BLMH: variants seen among roughly 807,000 people sequenced by gnomAD.
BLMH encodes the protein BLM hydrolase.
Under a neutral mutation model 61.6 loss-of-function variants are expected in BLMH, and 32 were observed. The ratio of observed to expected loss-of-function variants is 0.52; its 90% CI spans 0.39 to 0.70. The LOEUF (loss-of-function observed/expected upper bound fraction) is 0.70, where lower values mean the gene tolerates loss of function less well. BLMH is among the 30% of genes least tolerant of loss of function. The pLI is 0.00. For missense variants in BLMH, 460 were observed against 555.5 expected, an observed-to-expected ratio of 0.83 and a Z score of 1.73; for synonymous variants, 183 against 193.8, an observed-to-expected ratio of 0.94 and a Z score of 0.46.
At position 30,248,823 on chromosome 17, in the gene BLMH, CTT is replaced by C. The variant is rs1024242693; in HGVS notation, c.*192_*193del. ...ATAGTATGACCTGATCTTCCCCCCT[CTT>C]TTTTTTCCTTTAACAGTATTCTGTT... is the stretch of plus-strand genomic sequence containing the variant. On this transcript the variant is annotated 3_prime_UTR_variant, in exon 12 of 12. Coordinates refer to ENST00000261714, the MANE Select transcript of BLMH (RefSeq NM_000386.4). 4.9e-6 allele frequency: 3 copies of C among 614,062 alleles called. No homozygotes were observed. The highest frequency in any genetic ancestry group is 8.3e-6 in the Non-Finnish European group (3 of 361,242). The allele number at this position is 614,062 out of a possible 1,614,324, so 38.0% of individuals were successfully genotyped here. A position where few individuals can be genotyped will look rare whatever the true frequency, so the allele number is the denominator to read the frequency against.
At chr17:30,273,719 C>A in intron 7 of BLMH, 1 of 321,542 alleles carries the variant, frequency 3.1e-6, no homozygotes, top group Non-Finnish European at 5.7e-6. Flanking sequence ...TCTGAATCCA[C>A]GATAAGAAAT....
Position 30,274,183 on chromosome 17 carries a change from C to T in BLMH, c.660G>A (p.Val220=), listed in dbSNP as rs1417595458. ...CTGGTGGATTACCCAAACAGATGCA[C>T]ACCACTCGGAATATCTGGAAGAGAG... ...DVMMEEIFRV[V]CICLGNPPET... is the part of the protein sequence containing the mutation. Residue 220 remains valine, a synonymous_variant, in exon 7 of 12, where the codon GTG becomes GTA. Coordinates refer to ENST00000261714, the MANE Select transcript of BLMH (RefSeq NM_000386.4). 6.8e-6 allele frequency: 11 copies of T among 1,613,870 alleles called. No homozygotes were observed. The highest frequency in any genetic ancestry group is 1.3e-5 in the African/African-American group (1 of 74,890).
intron 1 of BLMH, 107 bp from the exon 2 acceptor site, chr17:30,291,615 C>T (rs1908893242): frequency 2.7e-6 from 4 of 1,462,596 alleles, no homozygotes; most frequent in Non-Finnish European, 3.7e-6. Flanking sequence ...GGGGTGCCCG[C>T]TGCAGCGGGG....
Position 30,291,793 on chromosome 17 carries a change from C to A in BLMH, c.13+14G>T. ...TCCTCCAGAGGACCGCGGCGGGGGACGGCGGCACCTCACCCGAGCTGCTCA... is the reference window on the plus strand; with the variant it reads ...TCCTCCAGAGGACCGCGGCGGGGGAAGGCGGCACCTCACCCGAGCTGCTCA... On this transcript the variant is annotated intron_variant, in intron 1 of 11. Transcript: ENST00000261714. 1 of 1,397,312 alleles carries A rather than the reference C, an allele frequency of 7.2e-7. No individual in the cohort carries two copies. The allele number at this position is 1,397,312 out of a possible 1,614,324, so 86.6% of individuals were successfully genotyped here. A position where few individuals can be genotyped will look rare whatever the true frequency, so the allele number is the denominator to read the frequency against.
Position 30,274,205 on chromosome 17 carries a change from AGAG to A in BLMH, c.646-11_646-9del. 9.9e-6 allele frequency: 16 copies of A among 1,612,638 alleles called. No individual in the cohort carries two copies. Among genetic ancestry groups the A allele is most frequent in the Non-Finnish European group, 1.4e-5 (16 of 1,179,560 alleles). On this transcript the variant is annotated splice_polypyrimidine_tract_variant and intron_variant, in intron 6 of 11. Coordinates refer to ENST00000261714, the MANE Select transcript of BLMH (RefSeq NM_000386.4). The stretch of plus-strand genomic sequence containing the variant: ...GCACACCACTCGGAATATCTGGAAG[AGAG>A]GAGGAGGAAAGGCGAGCAATGGTTA...
At chr17:30,266,490 A>G (rs1371852194) in intron 11 of BLMH, among the ~76,000 whole-genome samples, 2 of 145,788 alleles carry the variant, frequency 1.4e-5, no homozygotes, top group African/African-American at 5.2e-5. Context: ...ACGTCACTGC[A>G]CTCCAGCCTG....
chr17:30,278,060 A>G (rs1293670992), intron 6 of BLMH, among the ~76,000 whole-genome samples: 2 of 152,226 alleles, frequency 1.3e-5, no homozygotes, highest in African/African-American at 4.8e-5. Context: ...TTTGGAAGGA[A>G]TATCTGACTC....
Position 30,271,338 on chromosome 17 carries a change from G to A in BLMH, c.1079C>T (p.Ala360Val), listed in dbSNP as rs755483602. 6.0e-5 allele frequency: 97 copies of A among 1,614,050 alleles called. No individual in the cohort carries two copies. Among genetic ancestry groups the A allele is most frequent in the Admixed American group, 4.3e-4 (26 of 60,020 alleles). ...FGVSLKNMNK[A>V]ERLTFGESLM... ...TGACTCACCAAAAGTCAGCCTCTCC[G>A]CTTTATTCATGTTCTTCAAGGAGAC... Residue 360 changes from alanine to valine, a missense_variant, in exon 10 of 12, where the codon GCG (alanine) becomes GTG (valine). Around this residue, in one of 5 missense-constraint regions of BLMH, gnomAD observed 310 missense variants for 371.1 expected, o/e 0.84. Transcript: ENST00000261714.
intron 2 of BLMH, chr17:30,290,862 G>T (rs145507289): frequency 6.2e-6 from 1 of 160,260 alleles, no homozygotes; most frequent in Non-Finnish European, 1.4e-5. Context: ...TAACCAAGAA[G>T]CATATTTAAA....
chr17:30,259,070 G>T (rs1213902235), intron 11 of BLMH, among the ~76,000 whole-genome samples: 4 of 152,166 alleles, frequency 2.6e-5, no homozygotes, highest in Non-Finnish European at 4.4e-5. Context: ...CACAGTTCCA[G>T]TCACTGACCA....
At chr17:30,252,408 CTG>C (rs1372865761) in intron 11 of BLMH, among the ~76,000 whole-genome samples, 2 of 151,822 alleles carry the variant, frequency 1.3e-5, no homozygotes, top group East Asian at 3.9e-4. Context: ...CTCAAAAACA[CTG>C]TGGAGGCCAG....
intron 7 of BLMH, 92 bp downstream of exon 7, chr17:30,273,950 C>T: frequency 6.8e-7 from 1 of 1,472,704 alleles, no homozygotes; most frequent in East Asian, 2.3e-5. Flanking sequence ...GTTTGATACT[C>T]ATACATGCTA....
intron 7 of BLMH, 26 bp downstream of exon 7, chr17:30,274,016 A>G (rs1223157076): frequency 1.9e-6 from 3 of 1,612,702 alleles, no homozygotes; most frequent in South Asian, 2.2e-5. Context: ...GTAAACAGCC[A>G]GTGACTACCA....
At chr17:30,282,889 T>C (rs1908629888) in intron 6 of BLMH, among the ~76,000 whole-genome samples, 1 of 152,246 alleles carries the variant, frequency 6.6e-6, no homozygotes, top group Admixed American at 6.5e-5. Context: ...GGGCCAGGTA[T>C]GGCGGCTCAC....
At chr17:30,258,978 C>T (rs1844065458) in intron 11 of BLMH, among the ~76,000 whole-genome samples, 1 of 150,902 alleles carries the variant, frequency 6.6e-6, no homozygotes, top group South Asian at 2.1e-4. Flanking sequence ...GGCTGGCCTC[C>T]CTCTCCCTTT....
chr17:30,272,471 T>G (rs1908303290), intron 9 of BLMH, 90 bp downstream of exon 9: 1 of 1,451,998 alleles, frequency 6.9e-7, no homozygotes, highest in Non-Finnish European at 9.7e-7. Context: ...CATCTTTGGA[T>G]GAACCTCGGC....
At chr17:30,249,331 A>C (rs964008745) in intron 11 of BLMH, 163 bp from the exon 12 acceptor site, 1 of 794,822 alleles carries the variant, frequency 1.3e-6, no homozygotes, top group African/African-American at 1.7e-5. Context: ...AATTCTGTGA[A>C]GCAGATAGGA....
intron 11 of BLMH, chr17:30,249,410 C>A (rs947248539): frequency 2.1e-6 from 1 of 469,346 alleles, no homozygotes; most frequent in South Asian, 2.2e-5. Flanking sequence ...GTGCCCAGGT[C>A]ACATGGTGAG....
At chr17:30,279,822 C>T (rs971045718) in intron 6 of BLMH, among the ~76,000 whole-genome samples, 6 of 152,106 alleles carry the variant, frequency 3.9e-5, no homozygotes, top group Non-Finnish European at 5.9e-5. Context: ...AAAAACAAAT[C>T]TCCCTAGTGG....
Sources: gnomAD v4.1 joint callset for allele counts (sites outside exome capture counted in the v4.1 genomes callset) on GRCh38, gnomAD v4.1.1 for gene constraint, gnomAD v4.1.1 regional missense constraint, MANE v1.5 for transcripts, NCBI Gene and HGNC (gene_info 2026-07-23, HGNC 2026-07-21) for gene names.